The following VWDE variants were observed in gnomAD, a reference collection of about 807,000 sequenced individuals.
VWDE encodes von Willebrand factor D and EGF domains.
In VWDE, 207 loss-of-function variants were observed where a neutral mutation model predicts 178.4. The ratio of observed to expected loss-of-function variants is 1.16; its 90% CI spans 1.04 to 1.30. VWDE has a LOEUF of 1.30. Among genes scored for constraint, VWDE ranks in the 50% most tolerant of loss-of-function variants. The probability of loss-of-function intolerance (pLI) is 0.00; values close to 1 mark genes in which losing one functional copy is unlikely to be tolerated. For synonymous variants in VWDE, 738 were observed against 651.4 expected (o/e 1.13, Z -2.02); for missense variants, 2,287 against 1,901.3 (o/e 1.20, Z -3.77).
rs1388644885 is a variant in VWDE, at chr7:12,343,301, TTTACTACAAAAC to T, written c.4079-135_4079-124del. The T allele has an allele frequency of 1.5e-5, 9 of 605,314 alleles. No homozygotes were observed. The African/African-American group carries it at 1.7e-4, about 11-fold the overall frequency. 37.5% of individuals were successfully genotyped at this position (605,314 alleles called of 1,614,324 possible). On this transcript the variant is annotated intron_variant, in intron 21 of 28. Coordinates refer to ENST00000275358, the MANE Select transcript of VWDE (RefSeq NM_001135924.3). The stretch of plus-strand genomic sequence containing the variant: ...TAATTTATAATACATTAAGCTCTCT[TTTACTACAAAAC>T]TTAGTTCTGTGGGACTGACTATATT...
At chr7:12,394,573 TGAAACA>T (rs1784541394) in intron 1 of VWDE, among the ~76,000 whole-genome samples, 2 of 152,152 alleles carry the variant, frequency 1.3e-5, no homozygotes, top group Non-Finnish European at 2.9e-5. Context: ...GAGCAGGCAG[TGAAACA>T]GTTATCCTAA....
chr7:12,386,542 A>G (rs1784108597), intron 3 of VWDE, among the ~76,000 whole-genome samples: 1 of 152,136 alleles, frequency 6.6e-6, no homozygotes, highest in South Asian at 2.1e-4. Flanking sequence ...TTGAGATCTA[A>G]TATTTCTGTC....
chr7:12,391,696 C>G (rs1011492625), intron 2 of VWDE, among the ~76,000 whole-genome samples: 3 of 152,138 alleles, frequency 2.0e-5, no homozygotes, highest in African/African-American at 7.2e-5. Context: ...CACAATGCCA[C>G]ACATTAAAAT....
At chr7:12,344,878 C>T (rs963298583) in intron 19 of VWDE, among the ~76,000 whole-genome samples, 1 of 151,684 alleles carries the variant, frequency 6.6e-6, no homozygotes, top group African/African-American at 2.4e-5. Flanking sequence ...GCAAATATGC[C>T]AGAATTAGTA....
chr7:12,337,968 A>C (rs1368231871), intron 24 of VWDE, among the ~76,000 whole-genome samples: 1 of 152,120 alleles, frequency 6.6e-6, no homozygotes, highest in East Asian at 1.9e-4. Context: ...ATTTCTTTTA[A>C]GTAATACACA....
intron 6 of VWDE, 69 bp from the exon 7 acceptor site, chr7:12,377,989 G>C: frequency 8.3e-7 from 1 of 1,207,258 alleles, no homozygotes; most frequent in Admixed American, 3.7e-5. Flanking sequence ...AGTTTTGAAA[G>C]GGCATTTTCT....
At chr7:12,385,820 T>C (rs1293888606) in intron 3 of VWDE, among the ~76,000 whole-genome samples, 1 of 152,090 alleles carries the variant, frequency 6.6e-6, no homozygotes, top group African/African-American at 2.4e-5. Context: ...ATAACAATTG[T>C]CTCCCAGAAT....
At position 12,361,431 on chromosome 7, in the gene VWDE, C is replaced by A. The variant is rs1395916445; in HGVS notation, c.2989G>T (p.Asp997Tyr). 2.6e-6 allele frequency: 4 copies of A among 1,551,092 alleles called. No homozygotes were observed. The highest frequency in any genetic ancestry group is 3.5e-6 in the Non-Finnish European group (4 of 1,146,678). Residue 997 changes from aspartate to tyrosine, a missense_variant, in exon 14 of 29, where the codon GAT becomes TAT. By Grantham distance (160) the Asp-to-Tyr change is radical. Transcript: ENST00000275358. The stretch of plus-strand genomic sequence containing the variant: ...TCCATGGTATCAAACTGCTGAACAT[C>A]AGTGGGCAGCTGACAATCAACAGCT... Reference protein sequence around the residue: ...SRAVDCQLPTDVQQFDTMDLV... With the variant: ...SRAVDCQLPTYVQQFDTMDLV...
At chr7:12,360,017 T>C (rs1412654478) in intron 15 of VWDE, among the ~76,000 whole-genome samples, 1 of 152,166 alleles carries the variant, frequency 6.6e-6, no homozygotes, top group African/African-American at 2.4e-5. Context: ...GCTTTATTCA[T>C]AAAGAAATAA....
intron 18 of VWDE, among the ~76,000 whole-genome samples, chr7:12,353,136 G>A (rs541590398): frequency 1.3e-5 from 2 of 152,078 alleles, no homozygotes; most frequent in African/African-American, 4.8e-5. Context: ...CACAGACTGC[G>A]GGGCTTAAAC....
At chr7:12,359,225 C>G (rs914105877) in intron 16 of VWDE, among the ~76,000 whole-genome samples, 1 of 152,150 alleles carries the variant, frequency 6.6e-6, no homozygotes, top group Non-Finnish European at 1.5e-5. Context: ...CTGGAAGGCA[C>G]TTTATAGATT....
At chr7:12,332,153 A>G (rs1005139222) in intron 28 of VWDE, among the ~76,000 whole-genome samples, 10 of 147,446 alleles carry the variant, frequency 6.8e-5, no homozygotes, top group African/African-American at 2.6e-4. Flanking sequence ...GTTTTAACCT[A>G]TGTGTGGGAG....
At chr7:12,344,826 A>G (rs1245191090) in intron 19 of VWDE, among the ~76,000 whole-genome samples, 1 of 152,174 alleles carries the variant, frequency 6.6e-6, no homozygotes, top group African/African-American at 2.4e-5. Context: ...TAATCTCGAA[A>G]GAGTTGGAAA....
chr7:12,390,114 G>C (rs910900057), intron 2 of VWDE, among the ~76,000 whole-genome samples: 1 of 150,342 alleles, frequency 6.7e-6, no homozygotes, highest in Non-Finnish European at 1.5e-5. Context: ...GCAGTGAGCT[G>C]AGATCGCACC....
chr7:12,344,446 T>C lies in VWDE; in HGVS notation c.3910A>G (p.Lys1304Glu). 6.4e-7 allele frequency: 1 copy of C among 1,550,536 alleles called. No homozygotes were observed. Among genetic ancestry groups the C allele is most frequent in the Non-Finnish European group, 8.7e-7 (1 of 1,146,422 alleles). ...TTTGGGGCAACACACTCCCTACTTT[T>C]TCCACATGGATATTTACAAATGGCT... ...AFTICKYPCG[K>E]SRECVAPNIC... Residue 1304 changes from lysine to glutamate, a missense_variant, in exon 20 of 29, where the codon AAA (lysine) becomes GAA (glutamate). Transcript: ENST00000275358.
At chr7:12,331,331 T>A (rs550430951) in intron 28 of VWDE, 134 bp from the exon 29 acceptor site, 178 of 587,258 alleles carry the variant, frequency 3.0e-4, no homozygotes, top group African/African-American at 3.0e-3. Context: ...CTAGACTCAA[T>A]ACTGTTTTCA....
Position 12,343,067 on chromosome 7 carries a change from G to C in VWDE, c.4174+16C>G. 6.5e-7 allele frequency: 1 copy of C among 1,538,050 alleles called. No homozygotes were observed. The highest frequency in any genetic ancestry group is 8.8e-7 in the Non-Finnish European group (1 of 1,136,080). On this transcript the variant is annotated intron_variant, in intron 22 of 28. Transcript: ENST00000275358. ...AGCAGTTTCATTATATCAGACATCA[G>C]GAGAGCTTTGCTTACTTGTTTCACA...
At chr7:12,335,350 A>G (rs1244346174) in intron 27 of VWDE, among the ~76,000 whole-genome samples, 1 of 152,204 alleles carries the variant, frequency 6.6e-6, no homozygotes, top group Non-Finnish European at 1.5e-5. Context: ...GATTTCATCT[A>G]TGTAGAAATT....
chr7:12,374,886 T>C (rs2128556826), intron 8 of VWDE, 124 bp from the exon 9 acceptor site: 2 of 1,176,674 alleles, frequency 1.7e-6, no homozygotes, highest in Admixed American at 2.8e-5. Flanking sequence ...TTATTGAAAA[T>C]TGAATCATTT....
Sources: gnomAD v4.1 joint callset for allele counts (sites outside exome capture counted in the v4.1 genomes callset) on GRCh38, gnomAD v4.1.1 for gene constraint, MANE v1.5 for transcripts, NCBI Gene and HGNC (gene_info 2026-07-23, HGNC 2026-07-21) for gene names.